PKIB: variants seen among roughly 807,000 people sequenced by gnomAD.
The protein encoded by PKIB is PKI-beta.
A neutral mutation model predicts 4.5 loss-of-function variants in PKIB; 2 were observed. The observed-to-expected ratio is 0.44, with a 90% CI of 0.18 to 1.39. The LOEUF is 1.39. Among genes scored for constraint, PKIB ranks in the 40% most tolerant of loss-of-function variants. The pLI, the probability that PKIB is intolerant of heterozygous loss-of-function variation, is 0.27. For synonymous variants in PKIB, 38 were observed against 36.0 expected, an observed-to-expected ratio of 1.06 and a Z score of -0.20; for missense variants, 94 against 92.6, an observed-to-expected ratio of 1.02 and a Z score of -0.06.
At chr6:122,667,957 A>G (rs1777298597) in intron 2 of PKIB, among the ~76,000 whole-genome samples, 1 of 152,188 alleles carries the variant, frequency 6.6e-6, no homozygotes, top group Non-Finnish European at 1.5e-5. Context: ...ATGCTGTGTC[A>G]TGAAATGCAA....
chr6:122,579,866 G>A (rs373448283), intron 2 of PKIB, among the ~76,000 whole-genome samples: 1 of 152,080 alleles, frequency 6.6e-6, no homozygotes, highest in Non-Finnish European at 1.5e-5. Flanking sequence ...TTTAACAAAC[G>A]TCAATTAAAC....
chr6:122,682,425 T>C (rs1051546405), intron 3 of PKIB, among the ~76,000 whole-genome samples: 3 of 152,144 alleles, frequency 2.0e-5, no homozygotes, highest in Non-Finnish European at 4.4e-5. Flanking sequence ...TAAATGTACA[T>C]AGATTATTTT....
chr6:122,646,678 A>G (rs1776329327), intron 2 of PKIB, among the ~76,000 whole-genome samples: 1 of 152,216 alleles, frequency 6.6e-6, no homozygotes, highest in African/African-American at 2.4e-5. Flanking sequence ...TAGAGAAACA[A>G]TGCATTCATT....
intron 2 of PKIB, among the ~76,000 whole-genome samples, chr6:122,528,097 A>G (rs1777148082): frequency 1.3e-5 from 2 of 152,090 alleles, no homozygotes; most frequent in South Asian, 2.1e-4. Flanking sequence ...GTCTTTCTGG[A>G]AAAGTTACTC....
At chr6:122,686,288 C>T (rs897246570) in intron 3 of PKIB, among the ~76,000 whole-genome samples, 1 of 152,056 alleles carries the variant, frequency 6.6e-6, no homozygotes. Flanking sequence ...TGAGGGTTCC[C>T]TTTTCTTCTC....
chr6:122,550,322 T>A (rs1207786732), intron 2 of PKIB, among the ~76,000 whole-genome samples: 1 of 152,152 alleles, frequency 6.6e-6, no homozygotes, highest in Admixed American at 6.5e-5. Context: ...CACTTCTGCT[T>A]CCCTTCCCTA....
At chr6:122,569,522 C>G (rs1395103241) in intron 2 of PKIB, among the ~76,000 whole-genome samples, 1 of 152,200 alleles carries the variant, frequency 6.6e-6, no homozygotes, top group African/African-American at 2.4e-5. Context: ...ATGACCAGCA[C>G]TTGAGAAAGC....
At chr6:122,622,236 TA>T (rs1248944470) in intron 1 of PKIB, among the ~76,000 whole-genome samples, 1 of 152,204 alleles carries the variant, frequency 6.6e-6, no homozygotes, top group Admixed American at 6.5e-5. Context: ...ACAAACTCGG[TA>T]AATAGCAAAA....
At position 122,671,290 on chromosome 6, in the gene PKIB, C is replaced by CA. The variant is rs66952964; in HGVS notation, c.-75-3773dup. ...CTGGTGACAGAGAAAGACTCTGTCT[C>CA]AAAAAAAAAAAAAAATACTTATTGA... On this transcript the variant is annotated intron_variant, in intron 2 of 4. Coordinates refer to ENST00000368452, the MANE Select transcript of PKIB (RefSeq NM_181795.3). Among the ~76,000 whole-genome samples, 727 of 119,814 alleles carry CA rather than the reference C, an allele frequency of 6.1e-3. 7 individuals carry two copies. The highest frequency in any genetic ancestry group is 0.044 in the East Asian group (154 of 3,482). 78.6% of individuals were successfully genotyped at this position (119,814 alleles called of 152,430 possible).
intron 2 of PKIB, among the ~76,000 whole-genome samples, chr6:122,533,361 G>T (rs1436433588): frequency 1.3e-5 from 2 of 151,918 alleles, no homozygotes; most frequent in Non-Finnish European, 2.9e-5. Context: ...GTAGAAATGG[G>T]GTCTTGCTAT....
At chr6:122,702,219 T>G (rs938105623) in intron 3 of PKIB, among the ~76,000 whole-genome samples, 3 of 151,246 alleles carry the variant, frequency 2.0e-5, no homozygotes, top group African/African-American at 7.4e-5. Flanking sequence ...GCTGAGAATA[T>G]AAGGCTACCA....
chr6:122,602,306 C>G (rs1774394451), intron 3 of PKIB, among the ~76,000 whole-genome samples: 1 of 152,114 alleles, frequency 6.6e-6, no homozygotes, highest in African/African-American at 2.4e-5. Flanking sequence ...ATAGAAGAAG[C>G]TCAAGTGGTT....
chr6:122,705,564 C>CTT (rs142542177), intron 3 of PKIB, among the ~76,000 whole-genome samples: 27,751 of 113,202 alleles, frequency 0.25, 3,698 homozygotes, highest in East Asian at 0.35. Flanking sequence ...GAAAGCGCAT[C>CTT]TTTTTTTTTT....
intron 3 of PKIB, among the ~76,000 whole-genome samples, chr6:122,592,671 G>A (rs1217457190): frequency 6.6e-6 from 1 of 152,152 alleles, no homozygotes; most frequent in East Asian, 1.9e-4. Flanking sequence ...AAAGATGAAA[G>A]CCATTGCCTT....
upstream of PKIB, among the ~76,000 whole-genome samples, chr6:122,609,313 C>CT (rs1408794621): frequency 6.6e-6 from 1 of 152,176 alleles, no homozygotes; most frequent in African/African-American, 2.4e-5. Flanking sequence ...GCTATTTAGC[C>CT]TTGTTCAAAG....
At chr6:122,606,109 T>G (rs1774526336), upstream of PKIB, among the ~76,000 whole-genome samples, 1 of 152,230 alleles carries the variant, frequency 6.6e-6, no homozygotes, top group African/African-American at 2.4e-5. Flanking sequence ...GAGATCATCC[T>G]GGATGAACTG....
chr6:122,668,793 G>T (rs977334712), intron 2 of PKIB, among the ~76,000 whole-genome samples: 1 of 152,134 alleles, frequency 6.6e-6, no homozygotes, highest in African/African-American at 2.4e-5. Context: ...ATATATAACA[G>T]TTGGCTTCTA....
At chr6:122,515,883 T>C (rs1300965085) in intron 2 of PKIB, among the ~76,000 whole-genome samples, 3 of 152,070 alleles carry the variant, frequency 2.0e-5, no homozygotes, top group African/African-American at 7.2e-5. Context: ...GCCCTGCTAA[T>C]TTTTGTATTT....
In PKIB at chr6:122,661,235, C is replaced by T. The variant is rs1381299514; in HGVS notation, c.-75-13843C>T. ...TTGACATAATTTGCTACCATAAAAG[C>T]CACCCATTTAAATAGTTTCTAGTAT... On this transcript the variant is annotated intron_variant, in intron 2 of 4. Transcript: ENST00000368452. Among the ~76,000 whole-genome samples, 3 of 152,192 alleles carry T rather than the reference C, an allele frequency of 2.0e-5. No homozygotes were observed. In the East Asian group the frequency reaches 5.8e-4, roughly 29 times the overall value.
Sources: gnomAD v4.1 joint callset for allele counts (sites outside exome capture counted in the v4.1 genomes callset) on GRCh38, gnomAD v4.1.1 for gene constraint, MANE v1.5 for transcripts, NCBI Gene and HGNC (gene_info 2026-07-23, HGNC 2026-07-21) for gene names.